COL27A1: variants seen among roughly 807,000 people sequenced by gnomAD.
The protein encoded by COL27A1 is collagen alpha-1(XXVII) chain.
A neutral mutation model predicts 251.3 loss-of-function variants in COL27A1; 106 were observed. The observed-to-expected ratio is 0.42, with a 90% CI of 0.36 to 0.50. The LOEUF (loss-of-function observed/expected upper bound fraction) is 0.50, where lower values mean the gene tolerates loss of function less well. COL27A1 is among the 20% of genes least tolerant of loss of function. COL27A1 has a pLI of 0.00. For missense variants in COL27A1, 2,325 were observed against 2,522.8 expected, an observed-to-expected ratio of 0.92 and a Z score of 1.68; for synonymous variants, 1,000 against 986.3, an observed-to-expected ratio of 1.01 and a Z score of -0.26.
chr9:114,193,751 T>A (rs1259854992), intron 5 of COL27A1, among the ~76,000 whole-genome samples: 1 of 151,978 alleles, frequency 6.6e-6, no homozygotes, highest in African/African-American at 2.4e-5. Context: ...TAGAGACCCA[T>A]GAAATGGATA....
chr9:114,184,647 C>A (rs1828191788), intron 5 of COL27A1, among the ~76,000 whole-genome samples: 1 of 152,186 alleles, frequency 6.6e-6, no homozygotes, highest in East Asian at 1.9e-4. Flanking sequence ...ATATACTGAA[C>A]CCTTCCTGTG....
At chr9:114,208,649 G>A (rs1044197117) in intron 10 of COL27A1, among the ~76,000 whole-genome samples, 5 of 151,960 alleles carry the variant, frequency 3.3e-5, no homozygotes, top group African/African-American at 9.7e-5. Flanking sequence ...TAGAAGCCCC[G>A]GGCGAGGTTA....
rs145933099 is a variant in COL27A1 at position 114,228,861 on chromosome 9, G to A, written c.2467-2218G>A. 3.2e-3 allele frequency among the ~76,000 whole-genome samples: 488 copies of A among 151,398 alleles called. 3 individuals carry two copies. Among genetic ancestry groups the A allele is most frequent in the African/African-American group, 0.011 (454 of 41,196 alleles). ...TTCAAAGATAGGGTCTCTTTCTGTC[G>A]CCCAGGCTGGAGTTCAATGACGCTA... On this transcript the variant is annotated intron_variant, in intron 14 of 60. Transcript: ENST00000356083.
intron 14 of COL27A1, among the ~76,000 whole-genome samples, chr9:114,228,709 A>G (rs921339635): frequency 6.6e-6 from 1 of 152,234 alleles, no homozygotes; most frequent in Non-Finnish European, 1.5e-5. Flanking sequence ...AAGCACGTCA[A>G]GTGCTTAGCA....
rs768428225 is a variant in COL27A1 at position 114,205,106 on chromosome 9, A to G, written c.2129A>G (p.His710Arg). Residue 710 changes from histidine to arginine, a missense_variant, in exon 8 of 61, where the codon CAC becomes CGC. This residue lies in a region of COL27A1 where 1,183 missense variants were observed against 1,144.1 expected (regional missense o/e 1.03). Coordinates refer to ENST00000356083, the MANE Select transcript of COL27A1 (RefSeq NM_032888.4). Reference sequence around the variant, plus strand: ...AGCTTCTTCCCCCTCCAACAGGGACACAAGGGCTATCCTGGACCGGCAGGG... The same window carrying G: ...AGCTTCTTCCCCCTCCAACAGGGACGCAAGGGCTATCCTGGACCGGCAGGG... ...GNPGPPGRKG[H>R]KGYPGPAGHP... 10 of 1,613,614 alleles carry G rather than the reference A, an allele frequency of 6.2e-6. No homozygotes were observed. In the South Asian group the frequency reaches 1.1e-4, roughly 18 times the overall value.
chr9:114,266,465 C>A lies in COL27A1; in HGVS notation c.3394-100C>A. 39 of 955,038 alleles carry A rather than the reference C, an allele frequency of 4.1e-5. No individual in the cohort carries two copies. In the South Asian group the frequency reaches 5.5e-4, roughly 13 times the overall value. 59.2% of individuals were successfully genotyped at this position (955,038 alleles called of 1,614,324 possible). A position where few individuals can be genotyped will look rare whatever the true frequency, so the allele number is the denominator to read the frequency against. Reference sequence around the variant, plus strand: ...GCGGACTAGGGGTGTGCTTCAGAGTCCCCAGTTCTGGGGGTCAGCTCCCTC... The same window carrying A: ...GCGGACTAGGGGTGTGCTTCAGAGTACCCAGTTCTGGGGGTCAGCTCCCTC... On this transcript the variant is annotated intron_variant, in intron 32 of 60. Coordinates refer to ENST00000356083, the MANE Select transcript of COL27A1 (RefSeq NM_032888.4).
In COL27A1 at chr9:114,205,741, C is replaced by A; in HGVS notation, c.2170-18C>A. The A allele has an allele frequency of 6.2e-7, 1 of 1,613,392 alleles. No individual in the cohort carries two copies. Among genetic ancestry groups the A allele is most frequent in the South Asian group, 1.1e-5 (1 of 91,074 alleles). ...CAGGGTCTTTCTTTTCCTTATGTTTCTCTCTGTTCCTTTGCAGGGGCAGCC... is the reference window on the plus strand; with the variant it reads ...CAGGGTCTTTCTTTTCCTTATGTTTATCTCTGTTCCTTTGCAGGGGCAGCC... On this transcript the variant is annotated intron_variant, in intron 8 of 60. Transcript: ENST00000356083.
At chr9:114,199,906 CAGAT>C (rs1829450329) in intron 7 of COL27A1, among the ~76,000 whole-genome samples, 1 of 152,342 alleles carries the variant, frequency 6.6e-6, no homozygotes, top group East Asian at 1.9e-4. Flanking sequence ...CATACTGCCC[CAGAT>C]AGACATGATG....
rs1245247617 is a variant in COL27A1 at position 114,310,686 on chromosome 9, C to T, written c.5574C>T (p.Cys1858=). Residue 1858 remains cysteine (C), a synonymous_variant, in exon 61 of 61, where the codon TGC becomes TGT. Transcript: ENST00000356083. The part of the protein sequence containing the change: ...KQYRLEVGPA[C]FL ...ACCGCCTGGAAGTTGGACCTGCGTG[C>T]TTCCTCTGACCTCTGACCTCGTGGC... is the stretch of plus-strand genomic sequence containing the variant. 1 of 1,614,186 alleles carries T rather than the reference C, an allele frequency of 6.2e-7. No homozygotes were observed. The highest frequency in any genetic ancestry group is 8.5e-7 in the Non-Finnish European group (1 of 1,180,034).
chr9:114,222,070 A>C (rs1266858797), intron 13 of COL27A1, among the ~76,000 whole-genome samples, 153 bp from the exon 14 acceptor site: 2 of 152,358 alleles, frequency 1.3e-5, no homozygotes, highest in East Asian at 3.9e-4. Context: ...ACTCCAGGCC[A>C]GGCTCAGGAA....
intron 6 of COL27A1, among the ~76,000 whole-genome samples, chr9:114,195,675 C>T (rs1489697384): frequency 3.3e-5 from 5 of 152,186 alleles, no homozygotes; most frequent in East Asian, 3.9e-4. Context: ...AGTTTTCAAA[C>T]GTGGTTTTAG....
intron 14 of COL27A1, 84 bp downstream of exon 14, chr9:114,222,351 C>T: frequency 3.0e-6 from 4 of 1,325,786 alleles, no homozygotes; most frequent in Non-Finnish European, 4.3e-6. Context: ...AGGAGCAGGC[C>T]CTGCAGGGGA....
chr9:114,208,528 A>G (rs1293280209), intron 10 of COL27A1, among the ~76,000 whole-genome samples: 1 of 152,236 alleles, frequency 6.6e-6, no homozygotes, highest in Non-Finnish European at 1.5e-5. Flanking sequence ...ATGCTTTAAT[A>G]TATGCAAAGC....
chr9:114,280,896 C>T (rs958512433), intron 37 of COL27A1, among the ~76,000 whole-genome samples: 4 of 152,216 alleles, frequency 2.6e-5, no homozygotes, highest in Admixed American at 2.0e-4. Flanking sequence ...AATTTTCATG[C>T]GCTGGCCACC....
chr9:114,274,468 C>T (rs544312580), intron 36 of COL27A1, among the ~76,000 whole-genome samples: 6 of 152,240 alleles, frequency 3.9e-5, no homozygotes, highest in East Asian at 1.9e-4. Flanking sequence ...GGACTAAAAG[C>T]GGACCAGCCT....
intron 58 of COL27A1, among the ~76,000 whole-genome samples, 169 bp downstream of exon 58, chr9:114,306,857 T>A (rs1272627448): frequency 6.6e-6 from 1 of 152,108 alleles, no homozygotes; most frequent in Admixed American, 6.5e-5. Context: ...TATACCAAGA[T>A]CCGCATGCTG....
At chr9:114,303,261 C>T (rs1409696076) in intron 56 of COL27A1, among the ~76,000 whole-genome samples, 4 of 130,646 alleles carry the variant, frequency 3.1e-5, no homozygotes, top group South Asian at 2.4e-4. Flanking sequence ...TTTTTTGAGA[C>T]ACAGTCTTGC....
At chr9:114,298,946 C>G (rs1828430688) in intron 49 of COL27A1, among the ~76,000 whole-genome samples, 3 of 151,918 alleles carry the variant, frequency 2.0e-5, no homozygotes, top group Admixed American at 1.3e-4. Flanking sequence ...AAAGACAATC[C>G]AAATTTAAAA....
At chr9:114,206,352 T>A (rs1230781782) in intron 10 of COL27A1, 56 bp downstream of exon 10, 1 of 1,548,178 alleles carries the variant, frequency 6.5e-7, no homozygotes, top group Non-Finnish European at 8.9e-7. Flanking sequence ...GCATCACCTG[T>A]CCCTCCAGTG....
Sources: gnomAD v4.1 joint callset for allele counts (sites outside exome capture counted in the v4.1 genomes callset) on GRCh38, gnomAD v4.1.1 for gene constraint, gnomAD v4.1.1 regional missense constraint, MANE v1.5 for transcripts, NCBI Gene and HGNC (gene_info 2026-07-23, HGNC 2026-07-21) for gene names.